MYH6: variants seen among roughly 807,000 people sequenced by gnomAD.
MYH6 encodes myosin heavy chain 6, also known as myosin-6.
MYH6 carries 126 observed loss-of-function variants against 223.2 expected under a neutral mutation model. That is an observed-to-expected ratio of 0.56 (90% CI 0.49 to 0.65). MYH6 has a LOEUF of 0.65. Among genes scored for constraint, MYH6 ranks in the 30% least tolerant of loss-of-function variants. The pLI, the probability that MYH6 is intolerant of heterozygous loss-of-function variation, is 0.00. For synonymous variants in MYH6, 978 were observed against 1,010.2 expected (o/e 0.97, Z 0.61); for missense variants, 2,040 against 2,536.4 (o/e 0.80, Z 4.20).
At chr14:23,392,082 C>T (rs952573217) in intron 25 of MYH6, among the ~76,000 whole-genome samples, 7 of 152,128 alleles carry the variant, frequency 4.6e-5, no homozygotes, top group African/African-American at 1.7e-4. Context: ...AAGTGACTTG[C>T]TCACAGTTGT....
intron 7 of MYH6, 46 bp downstream of exon 7, chr14:23,404,665 C>T: frequency 6.4e-7 from 1 of 1,569,486 alleles, no homozygotes; most frequent in Non-Finnish European, 8.8e-7. Context: ...TCGGGTCAGC[C>T]TGCCCCCCAA....
At position 23,400,204 on chromosome 14, in the gene MYH6, C is replaced by T. The variant is rs568932336; in HGVS notation, c.1581+52G>A. 25 of 1,613,780 alleles carry T rather than the reference C, an allele frequency of 1.5e-5. No homozygotes were observed. In the East Asian group the frequency reaches 5.3e-4, roughly 35 times the overall value. On this transcript the variant is annotated intron_variant, in intron 14 of 38. Transcript: ENST00000405093. ...GGGTGTAGAAGGGACTCAGCCACCA[C>T]TTTGTCTGGATGGCAGAGGAGGGGG...
intron 34 of MYH6, 88 bp from the exon 35 acceptor site, chr14:23,385,129 G>T (rs1890981750): frequency 1.3e-6 from 2 of 1,568,006 alleles, no homozygotes; most frequent in South Asian, 1.1e-5. Flanking sequence ...ATTAAAGGTG[G>T]TCATTTTTTT....
intron 36 of MYH6, 21 bp from the exon 37 acceptor site, chr14:23,383,341 G>GGGGGGGCCCCCCCCCCCCC: frequency 3.6e-6 from 2 of 556,562 alleles, no homozygotes; most frequent in Non-Finnish European, 3.3e-6. Flanking sequence ...GAGGGTGGGA[G>GGGGGGGCCCCCCCCCCCCC]AAGCTGGTTT....
At chr14:23,408,053 A>G (rs1323803766) in intron 1 of MYH6, among the ~76,000 whole-genome samples, 200 bp downstream of exon 1, 1 of 152,220 alleles carries the variant, frequency 6.6e-6, no homozygotes, top group Non-Finnish European at 1.5e-5. Flanking sequence ...GGAGAGTCAG[A>G]GAAGGAGAAA....
In MYH6 at chr14:23,383,339, G is replaced by GGGGCCCCCCCC; in HGVS notation, c.5566-20_5566-19insGGGGGGGGCCC. 1 of 108,176 alleles carries GGGGCCCCCCCC rather than the reference G, an allele frequency of 9.2e-6. No homozygotes were observed. The allele number at this position is 108,176 out of a possible 1,614,324, so 6.7% of individuals were successfully genotyped here. ...CCTCTGTCTGGGGGTGGGAGGGTGG[G>GGGGCCCCCCCC]AGAAGCTGGTTTGGAGGGGGAGCAA... On this transcript the variant is annotated intron_variant, in intron 36 of 38. Coordinates refer to ENST00000405093, the MANE Select transcript of MYH6 (RefSeq NM_002471.4).
rs778370797 is a variant in MYH6 at position 23,381,990 on chromosome 14, G to T, written c.*50C>A. The T allele has an allele frequency of 8.1e-6, 13 of 1,614,018 alleles. No individual in the cohort carries two copies. In the South Asian group the frequency reaches 1.3e-4, roughly 16 times the overall value. On this transcript the variant is annotated 3_prime_UTR_variant, in exon 39 of 39. Coordinates refer to ENST00000405093, the MANE Select transcript of MYH6 (RefSeq NM_002471.4). ...GGACAGATGGGCTCAGGCAGAGTTT[G>T]GCACTCATATTTATTACAGGTTGGC...
chr14:23,400,208 G>T, intron 14 of MYH6, 48 bp downstream of exon 14: 3 of 1,613,762 alleles, frequency 1.9e-6, no homozygotes, highest in Non-Finnish European at 1.7e-6. Context: ...CCACCACTTT[G>T]TCTGGATGGC....
At chr14:23,385,082 C>T in intron 34 of MYH6, 41 bp from the exon 35 acceptor site, 1 of 1,612,960 alleles carries the variant, frequency 6.2e-7, no homozygotes, top group Non-Finnish European at 8.5e-7. Flanking sequence ...ATATACTACA[C>T]TTTGTTACCT....
chr14:23,382,454 C>G lies in MYH6; in HGVS notation c.5770G>C (p.Ala1924Pro). ...IAESQVNKLR[A>P]KSRDIGAKQK... Reference sequence around the variant, plus strand: ...TTGGCACCAATGTCACGGCTCTTGGCTCGAAGCTTGTTGACCTGGGACTCA... The same window carrying G: ...TTGGCACCAATGTCACGGCTCTTGGGTCGAAGCTTGTTGACCTGGGACTCA... Residue 1924 changes from alanine (A) to proline (P), a missense_variant, in exon 38 of 39, where the codon GCC (alanine) becomes CCC (proline). By Grantham distance (27) the Ala-to-Pro change is conservative. Around this residue, in one of 4 missense-constraint regions of MYH6, gnomAD observed 1,203 missense variants for 1,400.2 expected, o/e 0.86. Transcript: ENST00000405093. The G allele has an allele frequency of 6.2e-7, 1 of 1,614,176 alleles. No homozygotes were observed. Among genetic ancestry groups the G allele is most frequent in the Non-Finnish European group, 8.5e-7 (1 of 1,180,034 alleles).
chr14:23,403,605 G>A, intron 9 of MYH6, 110 bp downstream of exon 9: 1 of 1,227,334 alleles, frequency 8.1e-7, no homozygotes, highest in Non-Finnish European at 1.2e-6. Context: ...AAAGCCCAGA[G>A]GCAAATGCAG....
rs765636449 is a variant in MYH6 at position 23,407,648 on chromosome 14, C to T, written c.-46-40G>A. 9.1e-5 allele frequency: 101 copies of T among 1,105,310 alleles called. No individual in the cohort carries two copies. The highest frequency in any genetic ancestry group is 2.3e-4 in the South Asian group (9 of 39,792). The allele number at this position is 1,105,310 out of a possible 1,614,324, so 68.5% of individuals were successfully genotyped here. ...GAGCAAGGAACAACAGAGGTAGAGC[C>T]GGGCAGAGAGAAGAACAGATGAGGA... On this transcript the variant is annotated intron_variant, in intron 1 of 38. Transcript: ENST00000405093. This position sits in a 1 kb window ranked among gnomAD's most constrained non-coding sequence, Gnocchi z 5.6.
At chr14:23,392,702 C>T in intron 24 of MYH6, 50 bp from the exon 25 acceptor site, 1 of 1,498,496 alleles carries the variant, frequency 6.7e-7, no homozygotes, top group African/African-American at 1.4e-5. Context: ...CTTCCTTCCT[C>T]TGGGGCTCAT....
rs753745013 is a variant in MYH6, at chr14:23,384,715, G to A, written c.5292C>T (p.Ala1764=). 3.3e-5 allele frequency: 54 copies of A among 1,614,108 alleles called. No individual in the cohort carries two copies. In the Middle Eastern group the frequency reaches 9.9e-4, roughly 30 times the overall value. The change falls in exon 36 of 39, where the codon GCC becomes GCT. Residue 1764 remains alanine, a splice_region_variant and synonymous_variant. Coordinates refer to ENST00000405093, the MANE Select transcript of MYH6 (RefSeq NM_002471.4). ...EEKAKKAITD[A]AMMAEELKKE... ...TCTTCAGCTCCTCTGCCATCATGGC[G>A]GCCTGTGTGCAGGAGAGAGGTGGCA...
Position 23,405,505 on chromosome 14 carries a change from G to A in MYH6, c.345+122C>T. 1 of 1,595,868 alleles carries A rather than the reference G, an allele frequency of 6.3e-7. No homozygotes were observed. The highest frequency in any genetic ancestry group is 8.6e-7 in the Non-Finnish European group (1 of 1,167,354). On this transcript the variant is annotated intron_variant, in intron 4 of 38. Coordinates refer to ENST00000405093, the MANE Select transcript of MYH6 (RefSeq NM_002471.4). The surrounding 1 kb of genome is among the most constrained non-coding windows in gnomAD (Gnocchi z 4.7). ...CTCCTCCTGCAGCTGACTAGGGGTG[G>A]AGGGGGGAAGGGGACTTGGGTCCCT...
chr14:23,388,745 G>A (rs1432147412), intron 29 of MYH6, 114 bp downstream of exon 29: 9 of 1,476,338 alleles, frequency 6.1e-6, no homozygotes, highest in Non-Finnish European at 8.5e-6. Context: ...GTTGCCCTCC[G>A]AGTTCCTCCT....
chr14:23,385,563 T>C (rs1357515335), intron 34 of MYH6, among the ~76,000 whole-genome samples: 1 of 151,716 alleles, frequency 6.6e-6, no homozygotes, highest in Non-Finnish European at 1.5e-5. Flanking sequence ...GAAAATGGTG[T>C]TCTAGCCAGC....
At chr14:23,393,986 G>C in intron 21 of MYH6, 78 bp from the exon 22 acceptor site, 1 of 1,613,734 alleles carries the variant, frequency 6.2e-7, no homozygotes. Context: ...GGCACTCCTA[G>C]ACTCCCAGTC....
chr14:23,391,860 G>A (rs1891245083), intron 25 of MYH6, among the ~76,000 whole-genome samples: 1 of 152,240 alleles, frequency 6.6e-6, no homozygotes, highest in Non-Finnish European at 1.5e-5. Flanking sequence ...GAGCTGCAGA[G>A]GAATGAGAAG....
Sources: gnomAD v4.1 joint callset for allele counts (sites outside exome capture counted in the v4.1 genomes callset) on GRCh38, gnomAD v4.1.1 for gene constraint, gnomAD v4.1.1 regional missense constraint, Gnocchi (gnomAD v3.1) non-coding constraint, MANE v1.5 for transcripts, NCBI Gene and HGNC (gene_info 2026-07-23, HGNC 2026-07-21) for gene names.